Variants in YPEL2 observed in about 807,000 individuals in gnomAD.
The protein encoded by YPEL2 is protein yippee-like 2.
A neutral mutation model predicts 19.1 loss-of-function variants in YPEL2; 2 were observed. That is an observed-to-expected ratio of 0.10 (90% confidence interval 0.04 to 0.33). The LOEUF is 0.33. Ranked by LOEUF, YPEL2 falls within the 10% of genes least tolerant of loss-of-function variation. The probability of loss-of-function intolerance (pLI) is 1.00; values close to 1 mark genes in which losing one functional copy is unlikely to be tolerated. For missense variants in YPEL2, 66 were observed against 140.7 expected, an observed-to-expected ratio of 0.47 and a Z score of 2.68; for synonymous variants, 52 against 50.0, an observed-to-expected ratio of 1.04 and a Z score of -0.17.
chr17:59,344,574 T>G (rs2047746905), intron 1 of YPEL2, among the ~76,000 whole-genome samples: 1 of 151,982 alleles, frequency 6.6e-6, no homozygotes, highest in Non-Finnish European at 1.5e-5. Context: ...CCTGGCCAAC[T>G]TGGCGAAACC....
intron 2 of YPEL2, among the ~76,000 whole-genome samples, chr17:59,370,358 C>T (rs1469330081): frequency 6.6e-6 from 1 of 152,196 alleles, no homozygotes; most frequent in Non-Finnish European, 1.5e-5. Context: ...CCACTGCGCC[C>T]AGCCAGAATT....
chr17:59,339,154 G>T (rs189799901), intron 1 of YPEL2, among the ~76,000 whole-genome samples: 2 of 117,936 alleles, frequency 1.7e-5, no homozygotes, highest in African/African-American at 3.3e-5. Flanking sequence ...TTACCACTTC[G>T]GTCTTTGTCT....
At chr17:59,389,204 G>C in intron 3 of YPEL2, 156 bp from the exon 4 acceptor site, 1 of 584,244 alleles carries the variant, frequency 1.7e-6, no homozygotes, top group Non-Finnish European at 3.0e-6. Context: ...ATATTTCCCT[G>C]TGGCCACCTT....
chr17:59,335,460 G>T (rs1039333711), intron 1 of YPEL2, among the ~76,000 whole-genome samples: 4 of 151,922 alleles, frequency 2.6e-5, no homozygotes, highest in Non-Finnish European at 4.4e-5. Flanking sequence ...CTTGAGAAAA[G>T]CTCGCCTTTC....
intron 2 of YPEL2, among the ~76,000 whole-genome samples, chr17:59,357,856 A>C (rs1290818396): frequency 2.0e-5 from 3 of 152,108 alleles, no homozygotes; most frequent in Non-Finnish European, 4.4e-5. Context: ...CTGTGACTTC[A>C]TGCCAACACA....
chr17:59,381,077 TCTC>T (rs2047946718), intron 2 of YPEL2, among the ~76,000 whole-genome samples: 1 of 152,226 alleles, frequency 6.6e-6, no homozygotes, highest in Non-Finnish European at 1.5e-5. Context: ...CACTTATTCT[TCTC>T]AGCAACCCTA....
intron 1 of YPEL2, among the ~76,000 whole-genome samples, chr17:59,332,944 C>CCCTT (rs2040025815): frequency 6.6e-6 from 1 of 152,216 alleles, no homozygotes; most frequent in Non-Finnish European, 1.5e-5. Context: ...TTCCTCCCTG[C>CCCTT]CCTTCCTTCC....
chr17:59,338,224 G>T (rs184591721), intron 1 of YPEL2, among the ~76,000 whole-genome samples: 1 of 152,254 alleles, frequency 6.6e-6, no homozygotes, highest in East Asian at 1.9e-4. Context: ...TCCTTTGTCT[G>T]TTTCTCACTG....
chr17:59,333,431 G>A (rs1042561560), intron 1 of YPEL2, among the ~76,000 whole-genome samples: 1 of 152,334 alleles, frequency 6.6e-6, no homozygotes, highest in African/African-American at 2.4e-5. Context: ...GAAGCTTAGA[G>A]TTAGGGGTGG....
intron 2 of YPEL2, among the ~76,000 whole-genome samples, chr17:59,373,165 C>T (rs533229598): frequency 8.5e-5 from 13 of 152,178 alleles, no homozygotes; most frequent in Non-Finnish European, 1.6e-4. Context: ...CTGTGCCCAG[C>T]CTATTTTTAT....
At chr17:59,388,817 C>T in intron 3 of YPEL2, 1 of 194,966 alleles carries the variant, frequency 5.1e-6, no homozygotes, top group Non-Finnish European at 1.1e-5. Flanking sequence ...TTTATCACCT[C>T]TTCCCTGGGA....
At chr17:59,386,050 C>T (rs144424437) in intron 2 of YPEL2, among the ~76,000 whole-genome samples, 31 of 152,208 alleles carry the variant, frequency 2.0e-4, no homozygotes, top group African/African-American at 5.1e-4. Context: ...AGGCCGGGTG[C>T]GGTGGCTCAT....
At chr17:59,395,162 A>T (rs2048032343) in intron 4 of YPEL2, among the ~76,000 whole-genome samples, 1 of 152,192 alleles carries the variant, frequency 6.6e-6, no homozygotes, top group South Asian at 2.1e-4. Flanking sequence ...ATTACCGTGG[A>T]ACAATGGACC....
intron 2 of YPEL2, among the ~76,000 whole-genome samples, chr17:59,370,810 T>A (rs565675071): frequency 6.6e-6 from 1 of 152,316 alleles, no homozygotes; most frequent in South Asian, 2.1e-4. Context: ...TTAAGCTGTT[T>A]GCTGATTAAC....
At chr17:59,358,776 A>G (rs1852363122) in intron 2 of YPEL2, among the ~76,000 whole-genome samples, 1 of 151,564 alleles carries the variant, frequency 6.6e-6, no homozygotes, top group Non-Finnish European at 1.5e-5. Context: ...CGCCCAGCTA[A>G]TTTTGTATTT....
chr17:59,385,266 T>C (rs2047974208), intron 2 of YPEL2, among the ~76,000 whole-genome samples: 1 of 152,154 alleles, frequency 6.6e-6, no homozygotes, highest in African/African-American at 2.4e-5. Context: ...GAAAATACAT[T>C]TCATTTATTT....
At chr17:59,359,532 A>G (rs1390118760) in intron 2 of YPEL2, among the ~76,000 whole-genome samples, 2 of 152,218 alleles carry the variant, frequency 1.3e-5, no homozygotes, top group African/African-American at 4.8e-5. Context: ...TAAAGAATAT[A>G]TACAATATGA....
chr17:59,393,413 G>A (rs2048018150), intron 4 of YPEL2, among the ~76,000 whole-genome samples: 1 of 151,068 alleles, frequency 6.6e-6, no homozygotes, highest in East Asian at 1.9e-4. Flanking sequence ...AGGATTATGG[G>A]TGTGAGCCAC....
At chr17:59,377,522 C>G (rs1456423428) in intron 2 of YPEL2, among the ~76,000 whole-genome samples, 2 of 152,182 alleles carry the variant, frequency 1.3e-5, no homozygotes, top group Admixed American at 1.3e-4. Flanking sequence ...GGGCATCCCC[C>G]ACTCCATCCT....
Sources: allele counts gnomAD v4.1 joint callset (sites outside exome capture counted in the v4.1 genomes callset), GRCh38; gene constraint gnomAD v4.1.1; transcripts MANE v1.5; gene names NCBI Gene and HGNC (gene_info 2026-07-23, HGNC 2026-07-21).